TRMT11: variants seen among roughly 807,000 people sequenced by gnomAD.
TRMT11 encodes tRNA (guanine(10)-N(2))-methyltransferase TRMT11.
Under a neutral mutation model 62.8 loss-of-function variants are expected in TRMT11, and 53 were observed. That is an observed-to-expected ratio of 0.84 (90% CI 0.68 to 1.06). TRMT11 has a LOEUF of 1.06. Ranked by LOEUF, TRMT11 falls within the 50% of genes least tolerant of loss-of-function variation. TRMT11 has a pLI of 0.00. For synonymous variants in TRMT11, 188 were observed against 190.3 expected (o/e 0.99, Z 0.10); for missense variants, 556 against 553.4 (o/e 1.00, Z -0.05).
chr6:126,142,960 A>T (rs1001944300), intron 21 of TRMT11, among the ~76,000 whole-genome samples: 3 of 152,124 alleles, frequency 2.0e-5, no homozygotes, highest in African/African-American at 7.2e-5. Context: ...TATGCAATAA[A>T]CTTTGAAAAT....
chr6:126,188,066 T>C (rs906165453), intron 1 of TRMT11, among the ~76,000 whole-genome samples: 10 of 151,928 alleles, frequency 6.6e-5, no homozygotes, highest in African/African-American at 2.4e-4. Flanking sequence ...AATGATTTTT[T>C]AGAGGGGATA....
chr6:126,218,195 C>T, the TRMT11 span, among the ~76,000 whole-genome samples: 1 of 152,178 alleles, frequency 6.6e-6, no homozygotes, highest in Non-Finnish European at 1.5e-5. Context: ...CCCAAGAACC[C>T]AGTTGGTGCT....
chr6:126,046,524 C>G (rs1456680796), intron 16 of TRMT11, among the ~76,000 whole-genome samples: 1 of 152,208 alleles, frequency 6.6e-6, no homozygotes, highest in Non-Finnish European at 1.5e-5. Flanking sequence ...TTAACCTGAC[C>G]TCAGTGGCTT....
chr6:126,028,921 C>T (rs1330903799), intron 12 of TRMT11, among the ~76,000 whole-genome samples: 1 of 152,004 alleles, frequency 6.6e-6, no homozygotes, highest in Non-Finnish European at 1.5e-5. Context: ...TAAGCTATGC[C>T]AGTAAAACAG....
chr6:126,121,457 A>G (rs1387938861), intron 21 of TRMT11, among the ~76,000 whole-genome samples: 1 of 152,158 alleles, frequency 6.6e-6, no homozygotes, highest in African/African-American at 2.4e-5. Flanking sequence ...ACCATGGTTT[A>G]TTGATCTTTA....
At chr6:126,134,519 G>A (rs192234742) in intron 21 of TRMT11, among the ~76,000 whole-genome samples, 2 of 151,936 alleles carry the variant, frequency 1.3e-5, no homozygotes, top group Non-Finnish European at 2.9e-5. Context: ...TAGATCTAAA[G>A]AGAAAGACAG....
chr6:126,250,263 G>A, the TRMT11 span, among the ~76,000 whole-genome samples: 1 of 152,162 alleles, frequency 6.6e-6, no homozygotes, highest in Non-Finnish European at 1.5e-5. Context: ...TTCGTAGAGT[G>A]TAGAGACAGA....
intron 21 of TRMT11, among the ~76,000 whole-genome samples, chr6:126,149,913 T>G (rs781619704): frequency 6.6e-6 from 1 of 152,214 alleles, no homozygotes; most frequent in African/African-American, 2.4e-5. Flanking sequence ...AGTATGACTA[T>G]ATTTTGTAGT....
At chr6:126,242,612 C>A in the TRMT11 span, among the ~76,000 whole-genome samples, 1 of 152,160 alleles carries the variant, frequency 6.6e-6, no homozygotes, top group East Asian at 1.9e-4. Context: ...CAGAACAGAG[C>A]CCTCAGAAAT....
chr6:126,242,960 T>A, the TRMT11 span, among the ~76,000 whole-genome samples: 1 of 152,176 alleles, frequency 6.6e-6, no homozygotes, highest in Non-Finnish European at 1.5e-5. Flanking sequence ...AAAGAGCTTC[T>A]GCACAGGAAA....
intron 17 of TRMT11, among the ~76,000 whole-genome samples, chr6:126,085,014 A>C (rs1777198667): frequency 6.6e-6 from 1 of 152,182 alleles, no homozygotes; most frequent in Non-Finnish European, 1.5e-5. Flanking sequence ...GTACAGCATG[A>C]TGACTATAGT....
intron 17 of TRMT11, among the ~76,000 whole-genome samples, chr6:126,087,486 G>A (rs1160764519): frequency 6.6e-6 from 1 of 152,226 alleles, no homozygotes; most frequent in African/African-American, 2.4e-5. Context: ...CTTGAACAAT[G>A]AGTGAAAATG....
chr6:126,054,318 A>G (rs1278140318), intron 17 of TRMT11, among the ~76,000 whole-genome samples: 4 of 152,170 alleles, frequency 2.6e-5, no homozygotes, highest in Non-Finnish European at 5.9e-5. Flanking sequence ...GGTGAATTGC[A>G]TAGCTGAGGC....
chr6:126,140,992 G>A (rs189548526), intron 21 of TRMT11, among the ~76,000 whole-genome samples: 467 of 152,164 alleles, frequency 3.1e-3, no homozygotes, highest in African/African-American at 0.011. Context: ...GCTATCTCAT[G>A]AGGGTAGTTA....
At chr6:125,992,347 T>C (rs1301891466) in intron 1 of TRMT11, among the ~76,000 whole-genome samples, 1 of 152,216 alleles carries the variant, frequency 6.6e-6, no homozygotes, top group Non-Finnish European at 1.5e-5. Context: ...TTTAACTTGG[T>C]TATAGTTGGA....
chr6:126,018,396 G>A (rs956984551), intron 11 of TRMT11, among the ~76,000 whole-genome samples: 5 of 152,088 alleles, frequency 3.3e-5, no homozygotes, highest in Admixed American at 6.6e-5. Context: ...GTTGAAGCAG[G>A]AAGATTCACA....
chr6:126,231,325 T>C, the TRMT11 span, among the ~76,000 whole-genome samples: 2 of 152,154 alleles, frequency 1.3e-5, no homozygotes, highest in Non-Finnish European at 2.9e-5. Context: ...TTTTTTTAAA[T>C]AGATATATTG....
chr6:126,241,843 A>C, the TRMT11 span, among the ~76,000 whole-genome samples: 223 of 152,334 alleles, frequency 1.5e-3, 2 homozygotes, highest in South Asian at 7.5e-3. Context: ...AATGGGCAAA[A>C]ACTGGAAGCA....
intron 21 of TRMT11, among the ~76,000 whole-genome samples, chr6:126,163,728 GA>G: frequency 1.3e-5 from 2 of 152,238 alleles, no homozygotes; most frequent in East Asian, 3.9e-4. Flanking sequence ...CTCAATTTCA[GA>G]AATTGTTATT....
Sources: gnomAD v4.1 joint callset for allele counts (sites outside exome capture counted in the v4.1 genomes callset) on GRCh38, gnomAD v4.1.1 for gene constraint, MANE v1.5 for transcripts, NCBI Gene and HGNC (gene_info 2026-07-23, HGNC 2026-07-21) for gene names.